Variants in UBE4A observed in about 807,000 individuals in gnomAD.
UBE4A encodes the protein ubiquitination factor E4A.
A neutral mutation model predicts 117.9 loss-of-function variants in UBE4A; 48 were observed. The ratio of observed to expected loss-of-function variants is 0.41; its 90% CI spans 0.32 to 0.52. The LOEUF (loss-of-function observed/expected upper bound fraction) is 0.52, where lower values mean the gene tolerates loss of function less well. Among genes scored for constraint, UBE4A ranks in the 20% least tolerant of loss-of-function variants. The probability of loss-of-function intolerance (pLI) is 0.33; values close to 1 mark genes in which losing one functional copy is unlikely to be tolerated. For synonymous variants in UBE4A, 407 were observed against 450.0 expected (o/e 0.90, Z 1.21); for missense variants, 1,067 against 1,296.3 (o/e 0.82, Z 2.72).
At chr11:118,392,984 A>G in intron 19 of UBE4A, 89 bp downstream of exon 19, 3 of 1,310,960 alleles carry the variant, frequency 2.3e-6, no homozygotes, top group Non-Finnish European at 3.1e-6. Flanking sequence ...AGTACTTTGC[A>G]CCCAACACAT....
In UBE4A at chr11:118,395,711, A is replaced by G. The variant is rs143006577; in HGVS notation, c.3075-603A>G. Reference sequence around the variant, plus strand: ...TGCCTTAGAGAAATCTAAAGGTGACAGAAGCATAGCATTTTTTAAGCCACT... The same window carrying G: ...TGCCTTAGAGAAATCTAAAGGTGACGGAAGCATAGCATTTTTTAAGCCACT... On this transcript the variant is annotated intron_variant, in intron 19 of 19. Coordinates refer to ENST00000252108, the MANE Select transcript of UBE4A (RefSeq NM_001204077.2). 3.8e-3 allele frequency among the ~76,000 whole-genome samples: 582 copies of G among 152,374 alleles called. 7 individuals carry two copies. Among genetic ancestry groups the G allele is most frequent in the African/African-American group, 0.013 (556 of 41,594 alleles).
At chr11:118,394,812 T>G (rs1003238734) in intron 19 of UBE4A, among the ~76,000 whole-genome samples, 1 of 151,174 alleles carries the variant, frequency 6.6e-6, no homozygotes, top group East Asian at 2.0e-4. Flanking sequence ...CTACAAAAAA[T>G]TATTTTTAAT....
In UBE4A at chr11:118,381,393, T is replaced by A. The variant is rs1224895819; in HGVS notation, c.1879T>A (p.Phe627Ile). The A allele has an allele frequency of 3.7e-6, 6 of 1,613,930 alleles. No homozygotes were observed. The highest frequency in any genetic ancestry group is 5.1e-6 in the Non-Finnish European group (6 of 1,179,940). Reference sequence around the variant, plus strand: ...CCAGTGAATATTTTCTTTTTCAGAATTTTTTGCAGATAACCTGGGTGATTT... The same window carrying A: ...CCAGTGAATATTTTCTTTTTCAGAAATTTTTGCAGATAACCTGGGTGATTT... Reference protein sequence around the residue: ...GYSSLAYVPEFFADNLGDFLI... With the variant: ...GYSSLAYVPEIFADNLGDFLI... The change falls in exon 12 of 20, where the codon TTT becomes ATT. Residue 627 changes from phenylalanine to isoleucine, a missense_variant and splice_region_variant. Coordinates refer to ENST00000252108, the MANE Select transcript of UBE4A (RefSeq NM_001204077.2).
chr11:118,364,531 G>A (rs11216857), intron 1 of UBE4A, among the ~76,000 whole-genome samples: 5,655 of 152,048 alleles, frequency 0.037, 156 homozygotes, highest in Middle Eastern at 0.075. Flanking sequence ...CTAAGATATG[G>A]GCTTTTACTT....
intron 9 of UBE4A, among the ~76,000 whole-genome samples, chr11:118,375,686 AG>A (rs1948646634): frequency 6.6e-6 from 1 of 151,660 alleles, no homozygotes. Context: ...GATGTTTGAG[AG>A]AAAAAAAAAA....
intron 1 of UBE4A, among the ~76,000 whole-genome samples, chr11:118,362,854 A>G (rs1949010419): frequency 6.6e-6 from 1 of 152,178 alleles, no homozygotes; most frequent in African/African-American, 2.4e-5. Context: ...TGGCTGGAAA[A>G]TGCTGTATTC....
At chr11:118,392,948 A>G (rs1948833282) in intron 19 of UBE4A, 53 bp downstream of exon 19, 1 of 1,562,984 alleles carries the variant, frequency 6.4e-7, no homozygotes, top group African/African-American at 1.4e-5. Context: ...TTAGTTTGCT[A>G]TCTTTTTCTC....
In UBE4A at chr11:118,375,031, G is replaced by A. The variant is rs782148130; in HGVS notation, c.1252G>A (p.Ala418Thr). ...AAATGCAGGCCGCACCAAGATTTGG[G>A]CCAATCAGATGCCAGAAATCTTTTT... is the stretch of plus-strand genomic sequence containing the variant. ...HANAGRTKIW[A>T]NQMPEIFFQM... The change falls in exon 9 of 20, where the codon GCC becomes ACC. Residue 418 changes from alanine to threonine, a missense_variant. Physicochemically the swap from Ala to Thr is moderately conservative, Grantham distance 58. Around this residue, in one of 3 missense-constraint regions of UBE4A, gnomAD observed 1,001 missense variants for 1,184.0 expected, o/e 0.85. Transcript: ENST00000252108. 6 of 1,614,154 alleles carry A rather than the reference G, an allele frequency of 3.7e-6. No individual in the cohort carries two copies. In the South Asian group the frequency reaches 6.6e-5, roughly 18 times the overall value.
At position 118,382,579 on chromosome 11, in the gene UBE4A, C is replaced by T. The variant is rs782755117; in HGVS notation, c.2010-10C>T. ...TTATCTGCTCATCTTGCTTTTTGCC[C>T]ATTTTGCAGAATGAAGAATCCCCAC... On this transcript the variant is annotated splice_polypyrimidine_tract_variant and intron_variant, in intron 12 of 19. Transcript: ENST00000252108. 6.6e-7 allele frequency: 1 copy of T among 1,519,656 alleles called. No individual in the cohort carries two copies. The highest frequency in any genetic ancestry group is 1.4e-5 in the African/African-American group (1 of 71,704). The allele number at this position is 1,519,656 out of a possible 1,614,324, so 94.1% of individuals were successfully genotyped here.
At chr11:118,370,957 A>T (rs1948603795) in intron 4 of UBE4A, among the ~76,000 whole-genome samples, 1 of 152,308 alleles carries the variant, frequency 6.6e-6, no homozygotes, top group East Asian at 1.9e-4. Flanking sequence ...CCGCCTCCAT[A>T]CCCAGACACC....
Position 118,373,183 on chromosome 11 carries a change from T to G in UBE4A, c.819T>G (p.Phe273Leu), listed in dbSNP as rs1208813810. The G allele has an allele frequency of 6.2e-7, 1 of 1,614,040 alleles. No homozygotes were observed. Among genetic ancestry groups the G allele is most frequent in the Admixed American group, 1.7e-5 (1 of 60,026 alleles). ...RTFPEVMIPV[F>L]DILLGRIKDL... The stretch of plus-strand genomic sequence containing the variant: ...TTCCAGAAGTCATGATTCCAGTGTT[T>G]GATATTTTATTGGGCCGAATAAAAG... The change falls in exon 7 of 20, where the codon TTT (phenylalanine) becomes TTG (leucine). Residue 273 changes from phenylalanine to leucine, a missense_variant. Physicochemically the swap from Phe to Leu is conservative, Grantham distance 22 (BLOSUM62 0). Coordinates refer to ENST00000252108, the MANE Select transcript of UBE4A (RefSeq NM_001204077.2).
At chr11:118,390,125 G>A (rs1555128007) in intron 17 of UBE4A, among the ~76,000 whole-genome samples, 1 of 151,884 alleles carries the variant, frequency 6.6e-6, no homozygotes, top group Non-Finnish European at 1.5e-5. Context: ...TGAAGTGGGA[G>A]GATTGCTTAA....
intron 19 of UBE4A, among the ~76,000 whole-genome samples, chr11:118,395,841 A>T (rs1948866073): frequency 6.6e-6 from 1 of 152,182 alleles, no homozygotes; most frequent in Non-Finnish European, 1.5e-5. Context: ...TTGGGAGGCC[A>T]AGGCTGGTGG....
intron 18 of UBE4A, among the ~76,000 whole-genome samples, 164 bp downstream of exon 18, chr11:118,390,968 T>C (rs1351504895): frequency 6.6e-6 from 1 of 152,114 alleles, no homozygotes; most frequent in Admixed American, 6.6e-5. Flanking sequence ...TGCCTGTGGA[T>C]AGCCACTACA....
chr11:118,380,070 T>G (rs1021415863), intron 11 of UBE4A, among the ~76,000 whole-genome samples: 1 of 152,108 alleles, frequency 6.6e-6, no homozygotes, highest in African/African-American at 2.4e-5. Context: ...CCTGTCCTTT[T>G]TGTAGAAAAA....
rs369004915 is a variant in UBE4A, at chr11:118,390,722, C to T, written c.2834C>T (p.Ala945Val). 2.2e-5 allele frequency: 36 copies of T among 1,600,442 alleles called. No individual in the cohort carries two copies. In the African/African-American group the frequency reaches 4.1e-4, roughly 18 times the overall value. Residue 945 changes from alanine (A) to valine (V), a missense_variant, in exon 18 of 20, where the codon GCA (alanine) becomes GTA (valine). By Grantham distance (64) the Ala-to-Val change is moderately conservative. Around this residue, in one of 3 missense-constraint regions of UBE4A, gnomAD observed 1,001 missense variants for 1,184.0 expected, o/e 0.85. Transcript: ENST00000252108. ...CGTTCCTATTCCCCAACTCTCTTTGCACAGACAGTTCGAGTCTTGAAGAAA... is the reference window on the plus strand; with the variant it reads ...CGTTCCTATTCCCCAACTCTCTTTGTACAGACAGTTCGAGTCTTGAAGAAA... ...DGRSYSPTLF[A>V]QTVRVLKKIN... is the part of the protein sequence containing the mutation.
At chr11:118,367,191 G>A (rs1255659977) in intron 2 of UBE4A, among the ~76,000 whole-genome samples, 1 of 149,296 alleles carries the variant, frequency 6.7e-6, no homozygotes, top group South Asian at 2.1e-4. Flanking sequence ...CAGAGTGAGA[G>A]TCCATCTCAA....
At position 118,379,606 on chromosome 11, in the gene UBE4A, C is replaced by G; in HGVS notation, c.1732C>G (p.Pro578Ala). 1 of 1,614,208 alleles carries G rather than the reference C, an allele frequency of 6.2e-7. No homozygotes were observed. The highest frequency in any genetic ancestry group is 1.1e-5 in the South Asian group (1 of 91,090). The change falls in exon 11 of 20, where the codon CCA becomes GCA. Residue 578 changes from proline (P) to alanine (A), a missense_variant. Pro to Ala is a conservative substitution (Grantham distance 27, BLOSUM62 -1). This residue lies in a region of UBE4A where 1,001 missense variants were observed against 1,184.0 expected (regional missense o/e 0.85). Transcript: ENST00000252108. ...TTCTACCAAGACTGCCATGACAGAG[C>G]CACAAATGCTACAAAACTGCCTAAA... Reference protein sequence around the residue: ...YLSTKTAMTEPQMLQNCLNLQ... With the variant: ...YLSTKTAMTEAQMLQNCLNLQ...
At chr11:118,361,579 G>C (rs549624351) in intron 1 of UBE4A, among the ~76,000 whole-genome samples, 59 of 152,180 alleles carry the variant, frequency 3.9e-4, no homozygotes, top group Non-Finnish European at 7.5e-4. Context: ...GCACAGATTT[G>C]ACATACGTGT....
Sources: gnomAD v4.1 joint callset for allele counts (sites outside exome capture counted in the v4.1 genomes callset) on GRCh38, gnomAD v4.1.1 for gene constraint, gnomAD v4.1.1 regional missense constraint, MANE v1.5 for transcripts, NCBI Gene and HGNC (gene_info 2026-07-23, HGNC 2026-07-21) for gene names.